Variants in CPNE9 observed in about 807,000 individuals in gnomAD.
The protein encoded by CPNE9 is copine-9.
Under a neutral mutation model 83.0 loss-of-function variants are expected in CPNE9, and 59 were observed. That is an observed-to-expected ratio of 0.71 (90% CI 0.58 to 0.88). The LOEUF is 0.88. Ranked by LOEUF, CPNE9 falls within the 40% of genes least tolerant of loss-of-function variation. The probability of loss-of-function intolerance (pLI) is 0.00; values close to 1 mark genes in which losing one functional copy is unlikely to be tolerated. For missense variants in CPNE9, 619 were observed against 720.8 expected, an observed-to-expected ratio of 0.86 and a Z score of 1.62; for synonymous variants, 256 against 273.4, an observed-to-expected ratio of 0.94 and a Z score of 0.63.
intron 15 of CPNE9, among the ~76,000 whole-genome samples, 160 bp from the exon 16 acceptor site, chr3:9,717,869 T>C (rs750210673): frequency 6.6e-6 from 1 of 152,064 alleles, no homozygotes; most frequent in Middle Eastern, 3.4e-3. Flanking sequence ...GGTGGATAGA[T>C]GGATAAATGA....
intron 17 of CPNE9, among the ~76,000 whole-genome samples, chr3:9,723,594 C>A (rs2076752183): frequency 6.6e-6 from 1 of 152,152 alleles, no homozygotes; most frequent in Non-Finnish European, 1.5e-5. Context: ...GGGTCTTACT[C>A]TGTCTCCCAG....
intron 17 of CPNE9, among the ~76,000 whole-genome samples, chr3:9,720,247 C>A (rs1252408259): frequency 1.3e-5 from 2 of 151,806 alleles, no homozygotes; most frequent in Non-Finnish European, 2.9e-5. Flanking sequence ...ACAGAAGAAA[C>A]CCAGCTAACA....
At chr3:9,705,056 G>C (rs2076547815) in intron 4 of CPNE9, 62 bp downstream of exon 4, 18 of 1,269,528 alleles carry the variant, frequency 1.4e-5, no homozygotes, top group Non-Finnish European at 1.9e-5. Flanking sequence ...CCGGAATTCT[G>C]GCTGGCCCCA....
At chr3:9,715,056 C>T in intron 11 of CPNE9, 101 bp downstream of exon 11, 1 of 1,145,432 alleles carries the variant, frequency 8.7e-7, no homozygotes, top group South Asian at 1.3e-5. Flanking sequence ...CTTTAGGAGC[C>T]AGGAAAGGTG....
chr3:9,705,561 C>A, intron 5 of CPNE9, 61 bp downstream of exon 5: 1 of 1,584,998 alleles, frequency 6.3e-7, no homozygotes, highest in East Asian at 2.2e-5. Flanking sequence ...ATGTGTTCAA[C>A]GACTCTCAGA....
At chr3:9,726,144 C>G (rs1232462063) in intron 18 of CPNE9, 93 bp downstream of exon 18, 25 of 753,696 alleles carry the variant, frequency 3.3e-5, no homozygotes, top group Non-Finnish European at 5.1e-5. Flanking sequence ...AACAAGTTAG[C>G]CTGCCAGTTT....
chr3:9,712,864 G>A, intron 9 of CPNE9, 36 bp downstream of exon 9: 1 of 1,589,872 alleles, frequency 6.3e-7, no homozygotes, highest in Non-Finnish European at 8.6e-7. Flanking sequence ...AGGCTGGGGT[G>A]GGCCATGTGC....
At chr3:9,716,530 G>A (rs1216321765) in intron 14 of CPNE9, among the ~76,000 whole-genome samples, 1 of 151,984 alleles carries the variant, frequency 6.6e-6, no homozygotes, top group Non-Finnish European at 1.5e-5. Context: ...AAGTGCAATG[G>A]TGCGATCTTG....
chr3:9,712,395 C>T, intron 7 of CPNE9, 146 bp from the exon 8 acceptor site: 1 of 700,680 alleles, frequency 1.4e-6, no homozygotes, highest in Admixed American at 2.0e-5. Flanking sequence ...AAAGTGAGGC[C>T]CTTCCTCACC....
chr3:9,708,465 T>A (rs1426509135), intron 7 of CPNE9, among the ~76,000 whole-genome samples: 1 of 151,960 alleles, frequency 6.6e-6, no homozygotes, highest in Admixed American at 6.6e-5. Context: ...AAGAGAAGGG[T>A]TATCAAGAAG....
At chr3:9,706,726 G>T (rs1456603467) in intron 7 of CPNE9, among the ~76,000 whole-genome samples, 1 of 152,226 alleles carries the variant, frequency 6.6e-6, no homozygotes, top group Admixed American at 6.5e-5. Context: ...AGTGGGAGGT[G>T]CAGGATTCAA....
intron 7 of CPNE9, among the ~76,000 whole-genome samples, chr3:9,707,352 C>CAAAAAA (rs779965477): frequency 2.0e-5 from 1 of 50,988 alleles, no homozygotes; most frequent in Non-Finnish European, 3.5e-5. Context: ...GATTCTGTCT[C>CAAAAAA]AAAAAAAAAA....
Position 9,704,763 on chromosome 3 carries a change from A to T in CPNE9, c.124A>T (p.Thr42Ser). ...SKSDPMVVLY[T>S]QSRASQEWRE... is the part of the protein sequence containing the mutation. The stretch of plus-strand genomic sequence containing the variant: ...CCCACCTGCAGTGGTGGTGCTTTAC[A>T]CGCAGAGCCGGGCCAGCCAGGAGTG... Residue 42 changes from threonine (T) to serine (S), a missense_variant, in exon 3 of 21, where the codon ACG becomes TCG. Thr to Ser is a moderately conservative substitution (Grantham distance 58). Transcript: ENST00000383832. This position sits in a 1 kb window ranked among gnomAD's most constrained non-coding sequence, Gnocchi z 7.1. 6.2e-7 allele frequency: 1 copy of T among 1,611,744 alleles called. No individual in the cohort carries two copies. The highest frequency in any genetic ancestry group is 8.5e-7 in the Non-Finnish European group (1 of 1,179,454).
intron 16 of CPNE9, 91 bp downstream of exon 16, chr3:9,718,301 C>A: frequency 7.1e-7 from 1 of 1,405,894 alleles, no homozygotes. Flanking sequence ...CTTCAAAGGG[C>A]ATGTAGAGGA....
At chr3:9,714,182 C>G (rs1483481911) in intron 10 of CPNE9, among the ~76,000 whole-genome samples, 2 of 152,072 alleles carry the variant, frequency 1.3e-5, no homozygotes, top group East Asian at 3.9e-4. Context: ...GAATGGATAA[C>G]CAGATGGATA....
Position 9,729,560 on chromosome 3 carries a change from G to C in CPNE9, c.1530G>C (p.Met510Ile). The C allele has an allele frequency of 6.2e-7, 1 of 1,614,128 alleles. No homozygotes were observed. The highest frequency in any genetic ancestry group is 1.3e-5 in the African/African-American group (1 of 75,028). The change falls in exon 21 of 21, where the codon ATG (methionine) becomes ATC (isoleucine). Residue 510 changes from methionine (M) to isoleucine (I), a missense_variant. Met to Ile is a conservative substitution (Grantham distance 10, BLOSUM62 1). This residue lies in a region of CPNE9 where 438 missense variants were observed against 562.9 expected (regional missense o/e 0.78). Coordinates refer to ENST00000383832, the MANE Select transcript of CPNE9 (RefSeq NM_153635.3). ...VDRSGNQVLS[M>I]ARLAKDVLAE... ...GGTCGGGGAACCAGGTGTTGAGCATGGCCCGACTGGCCAAGGATGTGCTGG... is the reference window on the plus strand; with the variant it reads ...GGTCGGGGAACCAGGTGTTGAGCATCGCCCGACTGGCCAAGGATGTGCTGG...
intron 17 of CPNE9, among the ~76,000 whole-genome samples, chr3:9,722,164 C>CCG (rs1553691390): frequency 1.3e-5 from 2 of 151,222 alleles, no homozygotes; most frequent in African/African-American, 4.9e-5. Context: ...TGATCCACCC[C>CCG]CCCCCGCCAC....
intron 7 of CPNE9, among the ~76,000 whole-genome samples, chr3:9,707,013 C>T (rs1303303612): frequency 6.6e-6 from 1 of 152,056 alleles, no homozygotes; most frequent in African/African-American, 2.4e-5. Flanking sequence ...GGAGGAGTGA[C>T]ATGACATGGC....
intron 7 of CPNE9, among the ~76,000 whole-genome samples, chr3:9,709,606 G>C (rs1310858203): frequency 6.6e-6 from 1 of 151,874 alleles, no homozygotes; most frequent in African/African-American, 2.4e-5. Context: ...CTTACCTCGT[G>C]ATCCACCCAC....
Sources: allele counts gnomAD v4.1 joint callset (sites outside exome capture counted in the v4.1 genomes callset), GRCh38; gene constraint gnomAD v4.1.1; regional missense constraint gnomAD v4.1.1; non-coding constraint Gnocchi (gnomAD v3.1); transcripts MANE v1.5; gene names NCBI Gene and HGNC (gene_info 2026-07-23, HGNC 2026-07-21).